Variants in AKAP6 observed in about 807,000 individuals in gnomAD.
AKAP6 encodes A-kinase anchoring protein 6.
A neutral mutation model predicts 188.5 loss-of-function variants in AKAP6; 58 were observed. That is an observed-to-expected ratio of 0.31 (90% confidence interval 0.25 to 0.38). The LOEUF is 0.38. Among genes scored for constraint, AKAP6 ranks in the 10% least tolerant of loss-of-function variants. The pLI, the probability that AKAP6 is intolerant of heterozygous loss-of-function variation, is 1.00. For synonymous variants in AKAP6, 989 were observed against 998.6 expected, an observed-to-expected ratio of 0.99 and a Z score of 0.18; for missense variants, 2,710 against 2,740.0, an observed-to-expected ratio of 0.99 and a Z score of 0.24.
chr14:32,407,223 G>C (rs939508362), intron 1 of AKAP6, among the ~76,000 whole-genome samples: 2 of 152,150 alleles, frequency 1.3e-5, no homozygotes, highest in Non-Finnish European at 2.9e-5. Flanking sequence ...GACCAGACAT[G>C]AATTTGTTCT....
At chr14:32,517,343 T>G (rs1594700104) in intron 2 of AKAP6, among the ~76,000 whole-genome samples, 2 of 152,196 alleles carry the variant, frequency 1.3e-5, no homozygotes, top group South Asian at 4.1e-4. Flanking sequence ...TAGGAACAGC[T>G]GCAGTCTACA....
chr14:32,340,095 C>T (rs1294531028), intron 1 of AKAP6, among the ~76,000 whole-genome samples: 1 of 151,396 alleles, frequency 6.6e-6, no homozygotes, highest in African/African-American at 2.4e-5. Context: ...TGGGAGAAGG[C>T]AGTGTTCTGG....
At chr14:32,495,639 A>G (rs1880274898) in intron 2 of AKAP6, among the ~76,000 whole-genome samples, 1 of 152,180 alleles carries the variant, frequency 6.6e-6, no homozygotes, top group Admixed American at 6.6e-5. Context: ...CATTCACACA[A>G]AGTGCGACTT....
Position 32,821,908 on chromosome 14 carries a change from A to C in AKAP6, c.4095A>C (p.Gly1365=), listed in dbSNP as rs779658458. Residue 1365 remains glycine, a synonymous_variant, in exon 13 of 14, where the codon GGA becomes GGC. Coordinates refer to ENST00000280979, the MANE Select transcript of AKAP6 (RefSeq NM_004274.5). ...DMSQNSGSES[G]IVSEGDTETT... ...GCCAGAATTCAGGCAGTGAGAGTGG[A>C]ATTGTCAGTGAAGGAGACACAGAAA... The C allele has an allele frequency of 5.0e-6, 8 of 1,613,796 alleles. No individual in the cohort carries two copies. In the African/African-American group the frequency reaches 1.1e-4, roughly 22 times the overall value.
chr14:32,766,106 G>A (rs954172164), intron 11 of AKAP6, among the ~76,000 whole-genome samples: 2 of 152,058 alleles, frequency 1.3e-5, no homozygotes, highest in African/African-American at 4.8e-5. Flanking sequence ...AAAAGGAATC[G>A]TAAAATATGT....
chr14:32,517,923 G>C (rs1279366322), intron 2 of AKAP6, among the ~76,000 whole-genome samples: 1 of 152,222 alleles, frequency 6.6e-6, no homozygotes, highest in Non-Finnish European at 1.5e-5. Flanking sequence ...CGCCCGAGTA[G>C]CCTAACTGGG....
intron 1 of AKAP6, among the ~76,000 whole-genome samples, chr14:32,400,600 G>A (rs1164077289): frequency 3.1e-5 from 3 of 97,346 alleles, no homozygotes; most frequent in African/African-American, 1.0e-4. Context: ...ATTCATAAAT[G>A]TCATAATGCT....
rs1174434520 is a variant in AKAP6 at position 32,822,638 on chromosome 14, C to T, written c.4825C>T (p.Leu1609Phe). ...WLTSYKSNED[L>F]FSCHSSGDIS... ...GACTTCCTATAAAAGCAATGAAGATCTCTTTAGCTGTCACAGCTCTGGGGA... is the reference window on the plus strand; with the variant it reads ...GACTTCCTATAAAAGCAATGAAGATTTCTTTAGCTGTCACAGCTCTGGGGA... The change falls in exon 13 of 14, where the codon CTC becomes TTC. Residue 1609 changes from leucine to phenylalanine, a missense_variant. Around this residue, in one of 2 missense-constraint regions of AKAP6, gnomAD observed 2,473 missense variants for 2,426.1 expected, o/e 1.02. Coordinates refer to ENST00000280979, the MANE Select transcript of AKAP6 (RefSeq NM_004274.5). 1.2e-6 allele frequency: 2 copies of T among 1,614,042 alleles called. No individual in the cohort carries two copies. The highest frequency in any genetic ancestry group is 1.7e-6 in the Non-Finnish European group (2 of 1,179,962).
At chr14:32,724,944 A>G in intron 9 of AKAP6, among the ~76,000 whole-genome samples, 1 of 132,096 alleles carries the variant, frequency 7.6e-6, no homozygotes, top group Non-Finnish European at 1.6e-5. Context: ...TTGTAATGCA[A>G]TGATGTAATC....
chr14:32,369,792 A>G (rs1252227410), intron 1 of AKAP6, among the ~76,000 whole-genome samples: 3 of 152,204 alleles, frequency 2.0e-5, no homozygotes, highest in Non-Finnish European at 4.4e-5. Context: ...CCTCCTTGGG[A>G]GGCCGAGGTG....
intron 7 of AKAP6, among the ~76,000 whole-genome samples, chr14:32,678,102 A>G (rs1193135389): frequency 1.3e-5 from 2 of 152,216 alleles, no homozygotes; most frequent in East Asian, 3.8e-4. Context: ...CTGAGGGTTC[A>G]TTTATTCAGG....
intron 1 of AKAP6, among the ~76,000 whole-genome samples, chr14:32,374,494 TC>T (rs1195199840): frequency 6.6e-6 from 1 of 152,158 alleles, no homozygotes; most frequent in Non-Finnish European, 1.5e-5. Context: ...GTTGATTCAT[TC>T]CATTTGGTTA....
intron 9 of AKAP6, among the ~76,000 whole-genome samples, chr14:32,726,607 T>C (rs2030886499): frequency 6.6e-6 from 1 of 152,264 alleles, no homozygotes; most frequent in South Asian, 2.1e-4. Context: ...AAGAGAGGCT[T>C]GTGCTTTTCA....
At chr14:32,454,310 G>C (rs753693171) in intron 2 of AKAP6, among the ~76,000 whole-genome samples, 3 of 152,132 alleles carry the variant, frequency 2.0e-5, no homozygotes, top group Non-Finnish European at 2.9e-5. Context: ...TTGCATCTAG[G>C]TCTTGTATGA....
chr14:32,421,129 C>G (rs1336744517), intron 1 of AKAP6, among the ~76,000 whole-genome samples: 1 of 152,096 alleles, frequency 6.6e-6, no homozygotes, highest in Non-Finnish European at 1.5e-5. Context: ...CTACTTCCAC[C>G]CCAAAGCTTA....
chr14:32,573,405 C>A (rs532932759), intron 4 of AKAP6, among the ~76,000 whole-genome samples: 1 of 152,146 alleles, frequency 6.6e-6, no homozygotes, highest in African/African-American at 2.4e-5. Flanking sequence ...ATAGGTAGGC[C>A]AATACTAAGA....
At chr14:32,533,595 C>A (rs1478380146) in intron 2 of AKAP6, among the ~76,000 whole-genome samples, 2 of 152,004 alleles carry the variant, frequency 1.3e-5, no homozygotes, top group Non-Finnish European at 2.9e-5. Flanking sequence ...AAGAACTCAG[C>A]CGTGGGAGGG....
At chr14:32,633,759 T>C (rs1455584715) in intron 7 of AKAP6, among the ~76,000 whole-genome samples, 2 of 152,066 alleles carry the variant, frequency 1.3e-5, no homozygotes, top group African/African-American at 2.4e-5. Context: ...CCTATGCCTC[T>C]AACATTGGAG....
At chr14:32,803,916 G>A (rs1448112979) in intron 12 of AKAP6, among the ~76,000 whole-genome samples, 3 of 152,136 alleles carry the variant, frequency 2.0e-5, no homozygotes, top group Non-Finnish European at 2.9e-5. Context: ...TCTTTCCCAA[G>A]ATCATGGGTC....
Sources: gnomAD v4.1 joint callset for allele counts (sites outside exome capture counted in the v4.1 genomes callset) on GRCh38, gnomAD v4.1.1 for gene constraint, gnomAD v4.1.1 regional missense constraint, MANE v1.5 for transcripts, NCBI Gene and HGNC (gene_info 2026-07-23, HGNC 2026-07-21) for gene names.